The following DIAPH1 variants were observed in gnomAD, a reference collection of about 807,000 sequenced individuals.
The protein encoded by DIAPH1 is protein diaphanous homolog 1.
DIAPH1 carries 46 observed loss-of-function variants against 140.7 expected under a neutral mutation model. The ratio of observed to expected loss-of-function variants is 0.33; its 90% CI spans 0.26 to 0.42. DIAPH1 has a LOEUF of 0.42. DIAPH1 is among the 10% of genes least tolerant of loss of function. The probability of loss-of-function intolerance (pLI) is 1.00; values close to 1 mark genes in which losing one functional copy is unlikely to be tolerated. For missense variants in DIAPH1, 1,310 were observed against 1,558.7 expected, an observed-to-expected ratio of 0.84 and a Z score of 2.69; for synonymous variants, 565 against 551.6, an observed-to-expected ratio of 1.02 and a Z score of -0.34.
intron 19 of DIAPH1, among the ~76,000 whole-genome samples, chr5:141,531,007 TTC>T (rs2099888141): frequency 6.6e-6 from 1 of 152,158 alleles, no homozygotes; most frequent in South Asian, 2.1e-4. Context: ...AATTACCAGT[TTC>T]TCTTTCTTTC....
intron 1 of DIAPH1, among the ~76,000 whole-genome samples, chr5:141,616,137 C>G (rs1175374990): frequency 1.3e-5 from 2 of 152,182 alleles, no homozygotes; most frequent in Non-Finnish European, 2.9e-5. Context: ...ACTGTCAGCA[C>G]GTCTAACAAT....
At chr5:141,608,269 G>A (rs1423057203) in intron 1 of DIAPH1, among the ~76,000 whole-genome samples, 3 of 152,102 alleles carry the variant, frequency 2.0e-5, no homozygotes, top group Admixed American at 1.3e-4. Context: ...GCACCACTGC[G>A]CTCCAGCCTG....
chr5:141,569,165 T>G (rs1185281653), intron 18 of DIAPH1, among the ~76,000 whole-genome samples: 4 of 152,164 alleles, frequency 2.6e-5, no homozygotes, highest in Non-Finnish European at 4.4e-5. Flanking sequence ...TTTCAGAGGC[T>G]CTTAGGGCAA....
intron 18 of DIAPH1, among the ~76,000 whole-genome samples, chr5:141,560,305 G>GT (rs369496783): frequency 5.3e-5 from 8 of 152,304 alleles, no homozygotes; most frequent in African/African-American, 1.9e-4. Flanking sequence ...ACTTTACACT[G>GT]TCAGTCACTG....
chr5:141,557,248 A>T (rs934096013), intron 18 of DIAPH1, among the ~76,000 whole-genome samples: 7 of 152,134 alleles, frequency 4.6e-5, no homozygotes, highest in African/African-American at 1.2e-4. Context: ...AAAAGTCCTA[A>T]TTTTTTTGAC....
At chr5:141,612,731 T>C (rs1308546304) in intron 1 of DIAPH1, among the ~76,000 whole-genome samples, 1 of 152,212 alleles carries the variant, frequency 6.6e-6, no homozygotes, top group African/African-American at 2.4e-5. Flanking sequence ...AATGGTTTCA[T>C]GAATAAATAT....
At chr5:141,527,020 AATGT>A (rs2099887437) in intron 24 of DIAPH1, among the ~76,000 whole-genome samples, 2 of 152,194 alleles carry the variant, frequency 1.3e-5, no homozygotes, top group Non-Finnish European at 1.5e-5. Context: ...GTTTAAAATA[AATGT>A]ATGAGGTGCA....
At chr5:141,613,087 C>G (rs1395741500) in intron 1 of DIAPH1, among the ~76,000 whole-genome samples, 1 of 152,124 alleles carries the variant, frequency 6.6e-6, no homozygotes, top group East Asian at 1.9e-4. Flanking sequence ...ATTTGCCACC[C>G]TAACAAAATT....
intron 19 of DIAPH1, among the ~76,000 whole-genome samples, chr5:141,531,474 G>C (rs1443427537): frequency 6.6e-6 from 1 of 151,620 alleles, no homozygotes; most frequent in Non-Finnish European, 1.5e-5. Flanking sequence ...CACCACATCT[G>C]GCTAGTTTTT....
chr5:141,520,612 A>G (rs1308122379), intron 27 of DIAPH1, among the ~76,000 whole-genome samples: 1 of 152,182 alleles, frequency 6.6e-6, no homozygotes, highest in East Asian at 1.9e-4. Context: ...TGTCAGCCAA[A>G]TAAACCCCTT....
chr5:141,523,496 T>G (rs191741143), intron 27 of DIAPH1, among the ~76,000 whole-genome samples: 1 of 152,226 alleles, frequency 6.6e-6, no homozygotes, highest in East Asian at 1.9e-4. Flanking sequence ...CTTTTTAGAA[T>G]CTCTAGCTCA....
intron 18 of DIAPH1, among the ~76,000 whole-genome samples, chr5:141,543,292 G>C (rs2099890285): frequency 6.6e-6 from 1 of 152,134 alleles, no homozygotes; most frequent in African/African-American, 2.4e-5. Flanking sequence ...TAATTATATT[G>C]ACACAACATG....
chr5:141,617,981 T>C (rs2099902953), intron 1 of DIAPH1, among the ~76,000 whole-genome samples: 1 of 152,152 alleles, frequency 6.6e-6, no homozygotes, highest in African/African-American at 2.4e-5. Context: ...TAAAAAACAA[T>C]TCAATTACAA....
At chr5:141,618,637 A>T (rs992877467) in intron 1 of DIAPH1, 161 bp downstream of exon 1, 2 of 530,496 alleles carry the variant, frequency 3.8e-6, no homozygotes, top group South Asian at 4.7e-5. Flanking sequence ...GAGGTCCCGA[A>T]GGGAGAGGAT....
chr5:141,519,701 T>C (rs251021), intron 27 of DIAPH1, among the ~76,000 whole-genome samples: 11,483 of 152,248 alleles, frequency 0.075, 595 homozygotes, highest in South Asian at 0.15. Context: ...TGAAAGCCTA[T>C]ACACCAGGGA....
intron 14 of DIAPH1, among the ~76,000 whole-genome samples, chr5:141,575,648 C>T (rs1177725645): frequency 1.6e-5 from 2 of 127,910 alleles, no homozygotes; most frequent in Non-Finnish European, 3.4e-5. Flanking sequence ...GACTCCGTCT[C>T]AAAAAAAAAA....
At chr5:141,609,168 C>CAAAA (rs11405338) in intron 1 of DIAPH1, among the ~76,000 whole-genome samples, 8 of 84,354 alleles carry the variant, frequency 9.5e-5, no homozygotes, top group East Asian at 4.3e-4. Flanking sequence ...TTACTAAATG[C>CAAAA]AAAAAAAAAA....
At chr5:141,547,972 T>C (rs1367015460) in intron 18 of DIAPH1, among the ~76,000 whole-genome samples, 1 of 152,134 alleles carries the variant, frequency 6.6e-6, no homozygotes, top group Non-Finnish European at 1.5e-5. Flanking sequence ...CTAATGTGCG[T>C]GGATTCCTTG....
chr5:141,554,467 C>T (rs906117232), intron 18 of DIAPH1, among the ~76,000 whole-genome samples: 20 of 152,236 alleles, frequency 1.3e-4, no homozygotes, highest in Admixed American at 1.3e-3. Flanking sequence ...ACTTTACCAG[C>T]TATTATTTCA....
Sources: gnomAD v4.1 joint callset for allele counts (sites outside exome capture counted in the v4.1 genomes callset) on GRCh38, gnomAD v4.1.1 for gene constraint, MANE v1.5 for transcripts, NCBI Gene and HGNC (gene_info 2026-07-23, HGNC 2026-07-21) for gene names.